CAMTA1: variants seen among roughly 807,000 people sequenced by gnomAD.
CAMTA1 encodes calmodulin-binding transcription activator 1.
CAMTA1 carries 27 observed loss-of-function variants against 170.9 expected under a neutral mutation model. The ratio of observed to expected loss-of-function variants is 0.16; its 90% CI spans 0.12 to 0.22. The LOEUF is 0.22. Among genes scored for constraint, CAMTA1 ranks in the 10% least tolerant of loss-of-function variants. CAMTA1 has a pLI of 1.00. For missense variants in CAMTA1, 1,619 were observed against 2,217.2 expected (o/e 0.73, Z 5.42); for synonymous variants, 833 against 891.5 (o/e 0.93, Z 1.17).
At chr1:7,505,737 G>A (rs776361004) in intron 6 of CAMTA1, among the ~76,000 whole-genome samples, 93 of 151,678 alleles carry the variant, frequency 6.1e-4, no homozygotes, top group Non-Finnish European at 5.4e-4. Flanking sequence ...GGGTGGCACA[G>A]GGGGACACCA....
At chr1:7,488,134 G>T (rs2093642110) in intron 6 of CAMTA1, among the ~76,000 whole-genome samples, 1 of 152,152 alleles carries the variant, frequency 6.6e-6, no homozygotes, top group African/African-American at 2.4e-5. Context: ...TCTCTCTGGA[G>T]CCTTTCTGGA....
rs1220955252 is a variant in CAMTA1 at position 6,965,898 on chromosome 1, C to T, written c.235-125406C>T. Among the ~76,000 whole-genome samples the T allele has an allele frequency of 6.6e-6, 1 of 152,154 alleles. No homozygotes were observed. Among genetic ancestry groups the T allele is most frequent in the East Asian group, 1.9e-4 (1 of 5,192 alleles). On this transcript the variant is annotated intron_variant, in intron 3 of 22. Transcript: ENST00000303635. This position sits in a 1 kb window ranked among gnomAD's most constrained non-coding sequence, Gnocchi z 4.1. ...GATGCCGCACGTCTGGCATTAGTTA[C>T]TGCTTGTTGTGTCCTGTGGAAACTA... is the stretch of plus-strand genomic sequence containing the variant.
At chr1:6,946,798 C>A (rs1028330309) in intron 3 of CAMTA1, among the ~76,000 whole-genome samples, 1 of 150,682 alleles carries the variant, frequency 6.6e-6, no homozygotes, top group Non-Finnish European at 1.5e-5. Context: ...TCCTTTGAAG[C>A]ACAAAAGTTT....
At chr1:7,296,064 G>A (rs1402749100) in intron 5 of CAMTA1, among the ~76,000 whole-genome samples, 1 of 152,198 alleles carries the variant, frequency 6.6e-6, no homozygotes, top group Non-Finnish European at 1.5e-5. Context: ...CTCATGAGCT[G>A]TTGAACTAAG....
At chr1:6,860,772 C>T (rs1303682457) in intron 3 of CAMTA1, among the ~76,000 whole-genome samples, 7 of 151,842 alleles carry the variant, frequency 4.6e-5, no homozygotes, top group African/African-American at 1.7e-4. Flanking sequence ...ATTAGCCTGG[C>T]GTGGTGGTGC....
intron 5 of CAMTA1, among the ~76,000 whole-genome samples, chr1:7,363,348 G>A (rs897305633): frequency 4.0e-5 from 6 of 151,810 alleles, no homozygotes; most frequent in African/African-American, 1.5e-4. Context: ...GAGGGCTCTA[G>A]CTATAAAATA....
At chr1:7,617,488 C>T (rs964784950) in intron 6 of CAMTA1, among the ~76,000 whole-genome samples, 2 of 152,164 alleles carry the variant, frequency 1.3e-5, no homozygotes, top group African/African-American at 2.4e-5. Context: ...GGGAAATTCC[C>T]AGGAGAATTT....
chr1:7,108,461 C>T (rs1274178551), intron 4 of CAMTA1, among the ~76,000 whole-genome samples: 1 of 152,170 alleles, frequency 6.6e-6, no homozygotes, highest in African/African-American at 2.4e-5. Flanking sequence ...CAGCCCAGTT[C>T]TTCCTCACTT....
intron 5 of CAMTA1, among the ~76,000 whole-genome samples, chr1:7,309,713 C>A (rs1330345328): frequency 6.6e-6 from 1 of 151,778 alleles, no homozygotes; most frequent in Admixed American, 6.6e-5. Flanking sequence ...TTTACTATAT[C>A]TCTTTGTATA....
chr1:7,495,384 G>A lies in CAMTA1; in HGVS notation c.510+27483G>A, dbSNP rs148777094. Among the ~76,000 whole-genome samples the A allele has an allele frequency of 3.6e-3, 545 of 152,282 alleles. 5 individuals are homozygous for A. Among genetic ancestry groups the A allele is most frequent in the African/African-American group, 0.012 (504 of 41,560 alleles). ...GATCAAGTTTGGGATGTGGGTGAGCGTAGGGAGAGGAGGCGATGAATTCCT... is the reference window on the plus strand; with the variant it reads ...GATCAAGTTTGGGATGTGGGTGAGCATAGGGAGAGGAGGCGATGAATTCCT... On this transcript the variant is annotated intron_variant, in intron 6 of 22. Coordinates refer to ENST00000303635, the MANE Select transcript of CAMTA1 (RefSeq NM_015215.4).
intron 4 of CAMTA1, among the ~76,000 whole-genome samples, chr1:7,209,672 G>A (rs1001229385): frequency 6.6e-6 from 1 of 152,256 alleles, no homozygotes; most frequent in African/African-American, 2.4e-5. Context: ...TAAGCTCCTG[G>A]TTTACCTTGA....
chr1:7,598,692 T>C (rs2095419056), intron 6 of CAMTA1, among the ~76,000 whole-genome samples: 1 of 152,254 alleles, frequency 6.6e-6, no homozygotes. Flanking sequence ...TGGCCAGTGA[T>C]GATGAGCATT....
rs1011741761 is a variant in CAMTA1, at chr1:7,463,745, T to A, written c.439-4085T>A. 1.3e-5 allele frequency among the ~76,000 whole-genome samples: 2 copies of A among 151,600 alleles called. No homozygotes were observed. The highest frequency in any genetic ancestry group is 2.9e-5 in the Non-Finnish European group (2 of 67,930). On this transcript the variant is annotated intron_variant, in intron 5 of 22. Transcript: ENST00000303635. The surrounding 1 kb of genome is among the most constrained non-coding windows in gnomAD (Gnocchi z 4.7). The stretch of plus-strand genomic sequence containing the variant: ...GTAGAGAGCTGGCCGGGAAGGGAGG[T>A]GCCCACAACATACCAACCTATAAGT...
chr1:7,280,384 T>A (rs1671336774), intron 5 of CAMTA1, among the ~76,000 whole-genome samples: 1 of 152,250 alleles, frequency 6.6e-6, no homozygotes, highest in Admixed American at 6.5e-5. Context: ...GGTAAGACCC[T>A]CCTGTCCCAA....
intron 4 of CAMTA1, among the ~76,000 whole-genome samples, chr1:7,157,081 C>A (rs1015018747): frequency 2.4e-4 from 37 of 152,218 alleles, no homozygotes; most frequent in African/African-American, 8.7e-4. Flanking sequence ...CGGTGACTCA[C>A]GCCTGTAATC....
At chr1:7,464,744 C>G (rs1197979882) in intron 5 of CAMTA1, among the ~76,000 whole-genome samples, 2 of 152,198 alleles carry the variant, frequency 1.3e-5, no homozygotes, top group African/African-American at 4.8e-5. Context: ...AGGGTGCACA[C>G]TCACGGGGGG....
At chr1:7,591,172 G>T (rs2095352950) in intron 6 of CAMTA1, among the ~76,000 whole-genome samples, 1 of 152,180 alleles carries the variant, frequency 6.6e-6, no homozygotes, top group African/African-American at 2.4e-5. Context: ...ATTGATTCTT[G>T]TTCCTTCCTG....
intron 3 of CAMTA1, among the ~76,000 whole-genome samples, chr1:6,967,815 A>C (rs1315878861): frequency 6.6e-6 from 1 of 152,158 alleles, no homozygotes; most frequent in Non-Finnish European, 1.5e-5. Context: ...TTTAGGGAGA[A>C]TCTTAGGGCA....
At chr1:6,871,023 TAAA>T (rs374909801) in intron 3 of CAMTA1, among the ~76,000 whole-genome samples, 2 of 152,212 alleles carry the variant, frequency 1.3e-5, no homozygotes, top group African/African-American at 2.4e-5. Context: ...TCTATCCTTT[TAAA>T]AAACATAAAC....
Sources: gnomAD v4.1 joint callset for allele counts (sites outside exome capture counted in the v4.1 genomes callset) on GRCh38, gnomAD v4.1.1 for gene constraint, Gnocchi (gnomAD v3.1) non-coding constraint, MANE v1.5 for transcripts, NCBI Gene and HGNC (gene_info 2026-07-23, HGNC 2026-07-21) for gene names.